The following HECA variants were observed in gnomAD, a reference collection of about 807,000 sequenced individuals.
HECA encodes headcase protein homolog.
Under a neutral mutation model 37.6 loss-of-function variants are expected in HECA, and 13 were observed. The ratio of observed to expected loss-of-function variants is 0.35; its 90% CI spans 0.23 to 0.55. The LOEUF (loss-of-function observed/expected upper bound fraction) is 0.55, where lower values mean the gene tolerates loss of function less well. Ranked by LOEUF, HECA falls within the 20% of genes least tolerant of loss-of-function variation. The probability of loss-of-function intolerance (pLI) is 0.90; values close to 1 mark genes in which losing one functional copy is unlikely to be tolerated. For missense variants in HECA, 527 were observed against 701.9 expected, an observed-to-expected ratio of 0.75 and a Z score of 2.82; for synonymous variants, 307 against 291.5, an observed-to-expected ratio of 1.05 and a Z score of -0.54.
chr6:139,165,259 CAG>C (rs1468073242), intron 1 of HECA, among the ~76,000 whole-genome samples: 6 of 152,088 alleles, frequency 3.9e-5, no homozygotes, highest in Non-Finnish European at 7.4e-5. Flanking sequence ...TTTAAAAAAA[CAG>C]ATTTTATTTT....
chr6:139,174,364 C>A, intron 2 of HECA, 21 bp from the exon 3 acceptor site: 1 of 1,604,304 alleles, frequency 6.2e-7, no homozygotes, highest in Non-Finnish European at 8.5e-7. Context: ...CCACTCAGAG[C>A]CTTGTGTCTT....
chr6:139,166,333 C>A lies in HECA; in HGVS notation c.321C>A (p.Asp107Glu). The A allele has an allele frequency of 1.2e-6, 2 of 1,613,304 alleles. No homozygotes were observed. Among genetic ancestry groups the A allele is most frequent in the Non-Finnish European group, 1.7e-6 (2 of 1,179,396 alleles). ...PLICSFGRPV[D>E]LEKDDYQKVV... is the part of the protein sequence containing the mutation. ...TCTGCAGCTTCGGTAGGCCGGTGGA[C>A]CTGGAGAAGGACGACTACCAGAAGG... The change falls in exon 2 of 4, where the codon GAC (aspartate) becomes GAA (glutamate). Residue 107 changes from aspartate (D) to glutamate (E), a missense_variant. Asp to Glu is a conservative substitution (Grantham distance 45). This residue lies in a region of HECA where 172 missense variants were observed against 197.6 expected (regional missense o/e 0.87). Coordinates refer to ENST00000367658, the MANE Select transcript of HECA (RefSeq NM_016217.3).
intron 1 of HECA, among the ~76,000 whole-genome samples, chr6:139,165,566 C>T (rs1007384187): frequency 6.6e-6 from 1 of 151,658 alleles, no homozygotes; most frequent in Non-Finnish European, 1.5e-5. Flanking sequence ...GCTCATCCCC[C>T]ACCCCCTGTG....
intron 1 of HECA, among the ~76,000 whole-genome samples, chr6:139,159,514 A>G (rs1339119307): frequency 6.6e-6 from 1 of 151,702 alleles, no homozygotes; most frequent in African/African-American, 2.4e-5. Context: ...GAATGATGTT[A>G]GTTTGAGGAA....
chr6:139,135,791 C>T (rs894528946), intron 1 of HECA, 124 bp downstream of exon 1: 19 of 295,180 alleles, frequency 6.4e-5, no homozygotes, highest in Non-Finnish European at 8.5e-5. Context: ...TCACCCCGCC[C>T]CTCCGCCCCG....
intron 1 of HECA, among the ~76,000 whole-genome samples, chr6:139,137,601 G>T (rs1166934576): frequency 6.8e-6 from 1 of 146,964 alleles, no homozygotes; most frequent in African/African-American, 2.5e-5. Context: ...TGGTGGTTTT[G>T]GTTTGCTCTG....
intron 1 of HECA, among the ~76,000 whole-genome samples, chr6:139,139,023 C>G (rs757486511): frequency 9.2e-5 from 14 of 152,110 alleles, no homozygotes; most frequent in Non-Finnish European, 1.6e-4. Context: ...TATTTGAAAC[C>G]TTGATCATAG....
intron 1 of HECA, among the ~76,000 whole-genome samples, chr6:139,163,210 A>G (rs888272879): frequency 6.6e-6 from 1 of 152,132 alleles, no homozygotes; most frequent in Non-Finnish European, 1.5e-5. Flanking sequence ...CCTCTACGGG[A>G]TGGACAGTGA....
At chr6:139,171,934 G>A (rs918361788) in intron 2 of HECA, among the ~76,000 whole-genome samples, 3 of 151,844 alleles carry the variant, frequency 2.0e-5, no homozygotes, top group Non-Finnish European at 4.4e-5. Flanking sequence ...GGGTTCAAGC[G>A]ATTCTCCTGC....
intron 1 of HECA, among the ~76,000 whole-genome samples, chr6:139,153,931 C>G (rs930721315): frequency 3.3e-5 from 5 of 152,198 alleles, no homozygotes; most frequent in Non-Finnish European, 7.4e-5. Context: ...AAATTTGCTC[C>G]TCCATGAAAG....
In HECA at chr6:139,167,014, G is replaced by T. The variant is rs200541769; in HGVS notation, c.1002G>T (p.Gly334=). ...CTGCGGGGTTGGCAGTTCACAGGGG[G>T]GGACACTTCGACACCCCCGTGCAGT... ...YSPAGLAVHR[G]GHFDTPVQFL... Residue 334 remains glycine (G), a synonymous_variant, in exon 2 of 4, where the codon GGG becomes GGT. Transcript: ENST00000367658. The T allele has an allele frequency of 3.1e-6, 5 of 1,614,062 alleles. No individual in the cohort carries two copies. The East Asian group carries it at 1.1e-4, about 36-fold the overall frequency.
intron 1 of HECA, among the ~76,000 whole-genome samples, chr6:139,151,583 A>G (rs1199846048): frequency 6.6e-6 from 1 of 152,216 alleles, no homozygotes; most frequent in Non-Finnish European, 1.5e-5. Flanking sequence ...TAGCAATTCT[A>G]TTAACTAGAG....
intron 2 of HECA, among the ~76,000 whole-genome samples, chr6:139,167,920 A>G (rs1774915359): frequency 6.6e-6 from 1 of 152,214 alleles, no homozygotes; most frequent in Admixed American, 6.5e-5. Flanking sequence ...TCAGCCATAA[A>G]TTGAATGACA....
In HECA at chr6:139,179,022, ATT is replaced by A. The variant is rs1171034394; in HGVS notation, c.*1919_*1920del. ...TTGGTGTTTGATCATCTGAAAAAAC[ATT>A]TCAGTGGGAAGAAATGCATAAAATG... is the stretch of plus-strand genomic sequence containing the variant. On this transcript the variant is annotated 3_prime_UTR_variant, in exon 4 of 4. Transcript: ENST00000367658. 6.6e-6 allele frequency: 1 copy of A among 152,210 alleles called. No homozygotes were observed. The highest frequency in any genetic ancestry group is 1.5e-5 in the Non-Finnish European group (1 of 68,038). 9.4% of individuals were successfully genotyped at this position (152,210 alleles called of 1,614,324 possible).
chr6:139,168,432 T>G (rs1018954742), intron 2 of HECA, among the ~76,000 whole-genome samples: 2 of 151,794 alleles, frequency 1.3e-5, no homozygotes, highest in Non-Finnish European at 1.5e-5. Flanking sequence ...ATAGTTTTTT[T>G]TTTTTTTTTT....
chr6:139,146,215 A>T (rs1774581907), intron 1 of HECA, among the ~76,000 whole-genome samples: 1 of 152,234 alleles, frequency 6.6e-6, no homozygotes, highest in Admixed American at 6.5e-5. Flanking sequence ...AAGAGGATGA[A>T]TTCAGACAAA....
chr6:139,141,033 G>A (rs1296233596), intron 1 of HECA, among the ~76,000 whole-genome samples: 9 of 152,136 alleles, frequency 5.9e-5, no homozygotes, highest in African/African-American at 2.2e-4. Flanking sequence ...ATCGAGATCC[G>A]CCCACCTCGG....
In HECA at chr6:139,167,374, C is replaced by CA. The variant is rs771149308; in HGVS notation, c.1312+52dup. 9 of 1,402,118 alleles carry CA rather than the reference C, an allele frequency of 6.4e-6. 1 individual carries two copies. In the South Asian group the frequency reaches 1.2e-4, roughly 19 times the overall value. The allele number at this position is 1,402,118 out of a possible 1,614,324, so 86.9% of individuals were successfully genotyped here. A position where few individuals can be genotyped will look rare whatever the true frequency, so the allele number is the denominator to read the frequency against. ...TGCTTTCTGTTTGTTAAAAACCAAA[C>CA]AACAAACAAGACAGATTGCTCTATT... On this transcript the variant is annotated intron_variant, in intron 2 of 3. Transcript: ENST00000367658.
rs766615245 is a variant in HECA, at chr6:139,176,665, G to C, written c.1468-276G>C. On this transcript the variant is annotated intron_variant, in intron 3 of 3. Coordinates refer to ENST00000367658, the MANE Select transcript of HECA (RefSeq NM_016217.3). The surrounding 1 kb of genome is among the most constrained non-coding windows in gnomAD (Gnocchi z 4.5). ...TCAGCCGCTGTCTTAAAATCCAGGG[G>C]GAGGGGTTTCTTATTGTTAGGGAAC... 1.3e-5 allele frequency among the ~76,000 whole-genome samples: 2 copies of C among 152,168 alleles called. No homozygotes were observed. The highest frequency in any genetic ancestry group is 2.9e-5 in the Non-Finnish European group (2 of 68,036).
Sources: allele counts gnomAD v4.1 joint callset (sites outside exome capture counted in the v4.1 genomes callset), GRCh38; gene constraint gnomAD v4.1.1; regional missense constraint gnomAD v4.1.1; non-coding constraint Gnocchi (gnomAD v3.1); transcripts MANE v1.5; gene names NCBI Gene and HGNC (gene_info 2026-07-23, HGNC 2026-07-21).